Variants in STAT5B observed in about 807,000 individuals in gnomAD.
STAT5B encodes the protein transcription factor STAT5B.
Under a neutral mutation model 107.8 loss-of-function variants are expected in STAT5B, and 21 were observed. That is an observed-to-expected ratio of 0.19 (90% CI 0.14 to 0.28). STAT5B has a LOEUF of 0.28. STAT5B is among the 10% of genes least tolerant of loss of function. STAT5B has a pLI of 1.00. For synonymous variants in STAT5B, 325 were observed against 401.7 expected (o/e 0.81, Z 2.28); for missense variants, 565 against 1,008.2 (o/e 0.56, Z 5.95).
chr17:42,269,688 C>T (rs1380317002), intron 1 of STAT5B: 1 of 152,182 alleles, frequency 6.6e-6, no homozygotes, highest in Admixed American at 6.5e-5. Context: ...TTATACTCTG[C>T]ACAGGGAATT....
At position 42,223,493 on chromosome 17, in the gene STAT5B, T is replaced by G; in HGVS notation, c.439A>C (p.Thr147Pro). The G allele has an allele frequency of 6.2e-7, 1 of 1,614,134 alleles. No homozygotes were observed. The highest frequency in any genetic ancestry group is 8.5e-7 in the Non-Finnish European group (1 of 1,180,018). ...GTGACCAGTCGCAGCTCCTCAAACGTCTGGTTGATCTGGAGGTGTTTCTGG... is the reference window on the plus strand; with the variant it reads ...GTGACCAGTCGCAGCTCCTCAAACGGCTGGTTGATCTGGAGGTGTTTCTGG... The part of the protein sequence containing the change: ...MSQKHLQINQ[T>P]FEELRLVTQD... The change falls in exon 5 of 19, where the codon ACG becomes CCG. Residue 147 changes from threonine to proline, a missense_variant. Physicochemically the swap from Thr to Pro is conservative, Grantham distance 38 (BLOSUM62 -1). This residue lies in a region of STAT5B where 54 missense variants were observed against 49.7 expected (regional missense o/e 1.09). Coordinates refer to ENST00000293328, the MANE Select transcript of STAT5B (RefSeq NM_012448.4).
chr17:42,217,055 C>A, intron 11 of STAT5B, 105 bp downstream of exon 11: 2 of 1,536,192 alleles, frequency 1.3e-6, no homozygotes, highest in South Asian at 2.4e-5. Context: ...TACCAACAGT[C>A]AAAAAGAAGA....
At position 42,264,946 on chromosome 17, in the gene STAT5B, C is replaced by A. The variant is rs1171053256; in HGVS notation, c.-11+11302G>T. Among the ~76,000 whole-genome samples, 4 of 119,402 alleles carry A rather than the reference C, an allele frequency of 3.4e-5. No homozygotes were observed. The East Asian group carries it at 9.2e-4, about 28-fold the overall frequency. 78.3% of individuals were successfully genotyped at this position (119,402 alleles called of 152,430 possible). ...CTCATTGTGGTTTTGATTTGCATTT[C>A]TCTGATGGCCAGTGATGGTGAGCAT... On this transcript the variant is annotated intron_variant, in intron 1 of 18. Coordinates refer to ENST00000293328, the MANE Select transcript of STAT5B (RefSeq NM_012448.4).
Position 42,219,811 on chromosome 17 carries a change from G to A in STAT5B, c.582C>T (p.Pro194=), listed in dbSNP as rs748406387. ...CCGTCTCCCGGCTCAGACGCTCCTG[G>A]GGGCTCAGCTGGGCCAGCGGGCCAA... ...AQFGPLAQLS[P]QERLSRETAL... The change falls in exon 6 of 19, where the codon CCC becomes CCT. Residue 194 remains proline (P), a synonymous_variant. Coordinates refer to ENST00000293328, the MANE Select transcript of STAT5B (RefSeq NM_012448.4). 3.3e-5 allele frequency: 53 copies of A among 1,613,992 alleles called. No individual in the cohort carries two copies. The highest frequency in any genetic ancestry group is 4.3e-5 in the Non-Finnish European group (51 of 1,180,022).
At chr17:42,246,151 T>C (rs1228885534) in intron 1 of STAT5B, among the ~76,000 whole-genome samples, 8 of 152,164 alleles carry the variant, frequency 5.3e-5, no homozygotes, top group Non-Finnish European at 1.2e-4. Context: ...AAACTTAAGA[T>C]ATAAATTTAA....
upstream of STAT5B, among the ~76,000 whole-genome samples, chr17:42,278,580 C>T (rs2080781995): frequency 1.3e-5 from 2 of 152,142 alleles, no homozygotes; most frequent in South Asian, 4.1e-4. Flanking sequence ...TGTGGTGGCA[C>T]AATCACAGCT....
At chr17:42,287,527 G>A in the STAT5B span, 3 of 152,572 alleles carry the variant, frequency 2.0e-5, no homozygotes, top group Non-Finnish European at 4.4e-5. Flanking sequence ...GGGCCTCTTG[G>A]AGAGGGGGAC....
intron 4 of STAT5B, 104 bp downstream of exon 4, chr17:42,224,675 A>G: frequency 9.0e-7 from 1 of 1,106,658 alleles, no homozygotes; most frequent in South Asian, 1.3e-5. Flanking sequence ...CTTTAAAGAG[A>G]CACCAATAGT....
the STAT5B span, among the ~76,000 whole-genome samples, chr17:42,284,401 G>A: frequency 7.2e-5 from 11 of 152,044 alleles, no homozygotes; most frequent in African/African-American, 2.4e-4. Flanking sequence ...TGAGTAGCTG[G>A]GACTACAGGT....
chr17:42,271,014 G>C (rs554604854), intron 1 of STAT5B: 1 of 152,218 alleles, frequency 6.6e-6, no homozygotes, highest in African/African-American at 2.4e-5. Context: ...TCTGGGTTTT[G>C]AACATAATTT....
chr17:42,232,649 A>G (rs1410715873), intron 1 of STAT5B, among the ~76,000 whole-genome samples: 1 of 152,210 alleles, frequency 6.6e-6, no homozygotes, highest in East Asian at 1.9e-4. Context: ...CAGCCTGGCC[A>G]TGGAAAGATA....
intron 5 of STAT5B, among the ~76,000 whole-genome samples, chr17:42,222,409 G>A (rs958731196): frequency 5.9e-5 from 9 of 152,224 alleles, no homozygotes; most frequent in African/African-American, 2.2e-4. Context: ...ACCAGGCTAG[G>A]GAAGCTCTGT....
At chr17:42,244,513 A>T (rs1485255808) in intron 1 of STAT5B, among the ~76,000 whole-genome samples, 1 of 152,168 alleles carries the variant, frequency 6.6e-6, no homozygotes, top group Non-Finnish European at 1.5e-5. Context: ...CAGCTACTAC[A>T]ATACCCTGTT....
intron 1 of STAT5B, chr17:42,234,993 C>G (rs902410503): frequency 1.3e-5 from 2 of 152,072 alleles, no homozygotes; most frequent in Non-Finnish European, 2.9e-5. Context: ...AGAAGTAGGC[C>G]CTCACCATAG....
Position 42,202,430 on chromosome 17 carries a change from G to A in STAT5B, c.2147C>T (p.Ala716Val). The A allele has an allele frequency of 6.2e-7, 1 of 1,614,214 alleles. No homozygotes were observed. The highest frequency in any genetic ancestry group is 8.5e-7 in the Non-Finnish European group (1 of 1,180,030). The change falls in exon 18 of 19, where the codon GCA (alanine) becomes GTA (valine). Residue 716 changes from alanine to valine, a missense_variant. By Grantham distance (64) the Ala-to-Val change is moderately conservative (BLOSUM62 0). Around this residue, in one of 11 missense-constraint regions of STAT5B, gnomAD observed 76 missense variants for 110.2 expected, o/e 0.69. Coordinates refer to ENST00000293328, the MANE Select transcript of STAT5B (RefSeq NM_012448.4). Reference sequence around the variant, plus strand: ...CGTGGCGCTGCCGCCCCCGGCATCTGCAGATGCGTTCACAAACCTGCAGAA... The same window carrying A: ...CGTGGCGCTGCCGCCCCCGGCATCTACAGATGCGTTCACAAACCTGCAGAA... ...QVVPEFVNAS[A>V]DAGGGSATYM...
the STAT5B span, among the ~76,000 whole-genome samples, chr17:42,286,151 T>G: frequency 6.8e-6 from 1 of 147,130 alleles, no homozygotes; most frequent in South Asian, 2.1e-4. Flanking sequence ...GAGAATCGCT[T>G]GAACCTTGGA....
At chr17:42,268,420 C>T (rs1167206563) in intron 1 of STAT5B, among the ~76,000 whole-genome samples, 1 of 152,118 alleles carries the variant, frequency 6.6e-6, no homozygotes, top group East Asian at 1.9e-4. Flanking sequence ...TAAGTACCCT[C>T]TATGATGGTA....
intron 1 of STAT5B, among the ~76,000 whole-genome samples, chr17:42,267,613 A>G (rs768218085): frequency 3.9e-5 from 6 of 152,246 alleles, no homozygotes; most frequent in Admixed American, 6.5e-5. Context: ...ACAGCTGTAC[A>G]TGTTTATGTG....
the STAT5B span, chr17:42,287,655 T>C: frequency 6.6e-6 from 1 of 152,388 alleles, no homozygotes; most frequent in Non-Finnish European, 1.5e-5. Context: ...GCCTCATAAG[T>C]AACTAGGCTG....
Sources: gnomAD v4.1 joint callset for allele counts (sites outside exome capture counted in the v4.1 genomes callset) on GRCh38, gnomAD v4.1.1 for gene constraint, gnomAD v4.1.1 regional missense constraint, MANE v1.5 for transcripts, NCBI Gene and HGNC (gene_info 2026-07-23, HGNC 2026-07-21) for gene names.